Variants in IFT57 observed in about 807,000 individuals in gnomAD.
IFT57 encodes intraflagellar transport protein 57 homolog.
IFT57 carries 59 observed loss-of-function variants against 56.8 expected under a neutral mutation model. The observed-to-expected ratio is 1.04, with a 90% CI of 0.84 to 1.29. The LOEUF is 1.29. IFT57 is among the 50% of genes most tolerant of loss of function. IFT57 has a pLI of 0.00. For missense variants in IFT57, 470 were observed against 522.1 expected, an observed-to-expected ratio of 0.90 and a Z score of 0.97; for synonymous variants, 209 against 186.1, an observed-to-expected ratio of 1.12 and a Z score of -1.00.
chr3:108,172,927 C>T (rs1052572973), intron 6 of IFT57, among the ~76,000 whole-genome samples: 3 of 151,768 alleles, frequency 2.0e-5, no homozygotes, highest in South Asian at 2.1e-4. Context: ...TTTGTAATTA[C>T]CTGTGAGGCA....
rs1271729535 is a variant in IFT57, at chr3:108,221,926, A to G, written c.212+185T>C. ...ATTTATTCTCTCTACAAAAATACCA[A>G]GTCAGGGCTGCGTGAGCTCCACGGA... On this transcript the variant is annotated intron_variant, in intron 1 of 10. Coordinates refer to ENST00000264538, the MANE Select transcript of IFT57 (RefSeq NM_018010.4). 60 of 1,210,596 alleles carry G rather than the reference A, an allele frequency of 5.0e-5. No individual in the cohort carries two copies. The East Asian group carries it at 1.5e-3, about 31-fold the overall frequency. The allele number at this position is 1,210,596 out of a possible 1,614,324, so 75.0% of individuals were successfully genotyped here.
intron 5 of IFT57, among the ~76,000 whole-genome samples, chr3:108,202,430 A>G (rs1226269441): frequency 6.6e-6 from 1 of 152,202 alleles, no homozygotes; most frequent in Admixed American, 6.5e-5. Flanking sequence ...TGAATATTCT[A>G]CTATACTTCT....
chr3:108,167,292 G>A (rs936732441), intron 7 of IFT57: 2 of 240,954 alleles, frequency 8.3e-6, no homozygotes, highest in Non-Finnish European at 1.6e-5. Flanking sequence ...AGGGAATAAC[G>A]TGAGTTTCCT....
At chr3:108,183,666 C>A (rs934941112) in intron 6 of IFT57, among the ~76,000 whole-genome samples, 1 of 152,126 alleles carries the variant, frequency 6.6e-6, no homozygotes, top group African/African-American at 2.4e-5. Context: ...GTGGCTGACA[C>A]CCTTGCTATA....
chr3:108,199,522 G>C (rs924408923), intron 5 of IFT57, among the ~76,000 whole-genome samples: 2 of 152,136 alleles, frequency 1.3e-5, no homozygotes, highest in Admixed American at 1.3e-4. Context: ...GAATACTGGG[G>C]AGGAAAAAAG....
At chr3:108,167,369 C>T (rs1438170102) in intron 7 of IFT57, among the ~76,000 whole-genome samples, 1 of 151,814 alleles carries the variant, frequency 6.6e-6, no homozygotes, top group African/African-American at 2.4e-5. Flanking sequence ...ATAGCTCTAG[C>T]CTGGGACACA....
At position 108,166,799 on chromosome 3, in the gene IFT57, T is replaced by A. The variant is rs963012487; in HGVS notation, c.981+55A>T. 18 of 1,487,300 alleles carry A rather than the reference T, an allele frequency of 1.2e-5. No individual in the cohort carries two copies. In the African/African-American group the frequency reaches 2.5e-4, roughly 21 times the overall value. The allele number at this position is 1,487,300 out of a possible 1,614,324, so 92.1% of individuals were successfully genotyped here. On this transcript the variant is annotated intron_variant, in intron 8 of 10. Coordinates refer to ENST00000264538, the MANE Select transcript of IFT57 (RefSeq NM_018010.4). ...TCAAATGAACAGTATTGTGTCAAGT[T>A]TAGGGTTTAGGGTTGTTAACTTGAA...
intron 6 of IFT57, 99 bp downstream of exon 6, chr3:108,191,422 C>T (rs1304321052): frequency 2.8e-6 from 2 of 709,516 alleles, no homozygotes; most frequent in South Asian, 2.8e-5. Context: ...AATCCTACTG[C>T]CCTTCTTTAA....
intron 4 of IFT57, among the ~76,000 whole-genome samples, chr3:108,210,298 T>C (rs1466155962): frequency 6.6e-6 from 1 of 151,542 alleles, no homozygotes; most frequent in African/African-American, 2.4e-5. Flanking sequence ...AGTTTCTAGA[T>C]GATTATAGCA....
chr3:108,175,072 T>C (rs2080116683), intron 6 of IFT57, among the ~76,000 whole-genome samples: 2 of 151,864 alleles, frequency 1.3e-5, no homozygotes, highest in African/African-American at 4.8e-5. Context: ...GCATATTACA[T>C]AATGCTTTTT....
intron 6 of IFT57, among the ~76,000 whole-genome samples, chr3:108,183,330 A>G (rs2080162001): frequency 6.6e-6 from 1 of 152,152 alleles, no homozygotes; most frequent in African/African-American, 2.4e-5. Context: ...ATACAAATAT[A>G]TAACTCTGAC....
chr3:108,190,248 G>C (rs899492787), intron 6 of IFT57, among the ~76,000 whole-genome samples: 8 of 152,194 alleles, frequency 5.3e-5, no homozygotes. Context: ...GGACTGTCAG[G>C]AAGGCATGAT....
chr3:108,222,088 C>A (rs1233675107), intron 1 of IFT57, 23 bp downstream of exon 1: 4 of 1,568,974 alleles, frequency 2.5e-6, no homozygotes, highest in Non-Finnish European at 2.6e-6. Flanking sequence ...GGCACCCGGG[C>A]GCTCGGGGAC....
At chr3:108,192,524 G>C (rs972021244) in intron 5 of IFT57, among the ~76,000 whole-genome samples, 1 of 151,860 alleles carries the variant, frequency 6.6e-6, no homozygotes, top group African/African-American at 2.4e-5. Context: ...AGTATGTATG[G>C]ATCTGAAAAT....
chr3:108,204,061 T>C (rs2080294948), intron 5 of IFT57, among the ~76,000 whole-genome samples: 1 of 152,194 alleles, frequency 6.6e-6, no homozygotes, highest in South Asian at 2.1e-4. Flanking sequence ...AAATCTTAAA[T>C]CTATGATACT....
chr3:108,195,900 A>G (rs1214887192), intron 5 of IFT57, among the ~76,000 whole-genome samples: 1 of 152,158 alleles, frequency 6.6e-6, no homozygotes, highest in Admixed American at 6.6e-5. Flanking sequence ...TTAGTTATAT[A>G]GAAAAAATAA....
chr3:108,163,585 A>G (rs759729529), intron 10 of IFT57, 78 bp downstream of exon 10: 27 of 907,020 alleles, frequency 3.0e-5, no homozygotes, highest in South Asian at 9.9e-5. Context: ...ATATATTAAT[A>G]CTATTTTGTT....
intron 5 of IFT57, among the ~76,000 whole-genome samples, chr3:108,203,400 A>G (rs2080290708): frequency 6.6e-6 from 1 of 152,058 alleles, no homozygotes; most frequent in South Asian, 2.1e-4. Flanking sequence ...TTTACTGCAA[A>G]TCTCAGGAAT....
chr3:108,172,869 G>T (rs1473117045), intron 6 of IFT57, among the ~76,000 whole-genome samples: 3 of 151,786 alleles, frequency 2.0e-5, no homozygotes, highest in African/African-American at 7.3e-5. Flanking sequence ...AAGCTACTGG[G>T]ACATTCATGT....
Sources: allele counts gnomAD v4.1 joint callset (sites outside exome capture counted in the v4.1 genomes callset), GRCh38; gene constraint gnomAD v4.1.1; transcripts MANE v1.5; gene names NCBI Gene and HGNC (gene_info 2026-07-23, HGNC 2026-07-21).